ABHD2: variants seen among roughly 807,000 people sequenced by gnomAD.
ABHD2 encodes the protein abhydrolase domain containing 2, acylglycerol lipase.
Under a neutral mutation model 48.1 loss-of-function variants are expected in ABHD2, and 20 were observed. That is an observed-to-expected ratio of 0.42 (90% CI 0.29 to 0.60). The LOEUF is 0.60. Ranked by LOEUF, ABHD2 falls within the 20% of genes least tolerant of loss-of-function variation. The probability of loss-of-function intolerance (pLI) is 0.24; values close to 1 mark genes in which losing one functional copy is unlikely to be tolerated. For missense variants in ABHD2, 405 were observed against 550.9 expected, an observed-to-expected ratio of 0.74 and a Z score of 2.65; for synonymous variants, 209 against 214.2, an observed-to-expected ratio of 0.98 and a Z score of 0.21.
intron 3 of ABHD2, chr15:89,135,441 A>G: frequency 1.5e-6 from 1 of 667,766 alleles, no homozygotes; most frequent in South Asian, 1.8e-5. Context: ...TTAAAAACAA[A>G]TCTTACACAG....
At chr15:89,089,070 A>T (rs1901486330) in intron 1 of ABHD2, among the ~76,000 whole-genome samples, 1 of 152,224 alleles carries the variant, frequency 6.6e-6, no homozygotes, top group South Asian at 2.1e-4. Flanking sequence ...TTGGAAGCAC[A>T]TTTACCGAGT....
At chr15:89,099,554 A>G (rs762045667) in intron 1 of ABHD2, among the ~76,000 whole-genome samples, 2 of 152,074 alleles carry the variant, frequency 1.3e-5, no homozygotes, top group Non-Finnish European at 2.9e-5. Context: ...TCAGAGTTGC[A>G]GTGAGCTATG....
rs1314697096 is a variant in ABHD2 at position 89,175,132 on chromosome 15, C to A, written c.539-680C>A. ...CATCCACTTGCTACTTTTCTTAACACCATGAATCATCATACACATGGGTAT... is the reference window on the plus strand; with the variant it reads ...CATCCACTTGCTACTTTTCTTAACAACATGAATCATCATACACATGGGTAT... On this transcript the variant is annotated intron_variant, in intron 5 of 10. Transcript: ENST00000352732. The surrounding 1 kb of genome is among the most constrained non-coding windows in gnomAD (Gnocchi z 5.7). Among the ~76,000 whole-genome samples, 5 of 152,206 alleles carry A rather than the reference C, an allele frequency of 3.3e-5. No homozygotes were observed.
chr15:89,132,620 G>C (rs573932070), intron 3 of ABHD2, among the ~76,000 whole-genome samples: 251 of 152,282 alleles, frequency 1.6e-3, no homozygotes, highest in African/African-American at 5.9e-3. Flanking sequence ...ATTTCAAATT[G>C]ATATGAAATT....
intron 8 of ABHD2, among the ~76,000 whole-genome samples, chr15:89,190,676 T>C (rs759707455): frequency 4.6e-5 from 7 of 152,212 alleles, no homozygotes; most frequent in Non-Finnish European, 7.3e-5. Context: ...GTCATGATGC[T>C]AGTAAGCACT....
At chr15:89,057,771 GAAAA>G in the ABHD2 span, among the ~76,000 whole-genome samples, 5 of 137,554 alleles carry the variant, frequency 3.6e-5, no homozygotes, top group African/African-American at 8.0e-5. Context: ...AAGAAGGAAT[GAAAA>G]AAAAAAAAGA....
At chr15:89,148,503 T>C (rs2050535443) in intron 3 of ABHD2, among the ~76,000 whole-genome samples, 1 of 152,238 alleles carries the variant, frequency 6.6e-6, no homozygotes, top group Admixed American at 6.5e-5. Context: ...TTGGTGGGAA[T>C]GTAAATGAAC....
chr15:89,166,790 A>C lies in ABHD2; in HGVS notation c.539-9022A>C, dbSNP rs2050844264. Among the ~76,000 whole-genome samples, 1 of 152,222 alleles carries C rather than the reference A, an allele frequency of 6.6e-6. No individual in the cohort carries two copies. The highest frequency in any genetic ancestry group is 2.4e-5 in the African/African-American group (1 of 41,462). Reference sequence around the variant, plus strand: ...ACTGCACAGCCTGAGCTACAGAGTGAGACCCTATCTCTTAAAACAAACAAA... The same window carrying C: ...ACTGCACAGCCTGAGCTACAGAGTGCGACCCTATCTCTTAAAACAAACAAA... On this transcript the variant is annotated intron_variant, in intron 5 of 10. Transcript: ENST00000352732. The surrounding 1 kb of genome is among the most constrained non-coding windows in gnomAD (Gnocchi z 4.6).
intron 5 of ABHD2, among the ~76,000 whole-genome samples, chr15:89,171,629 T>C (rs10852117): frequency 0.11 from 17,103 of 152,194 alleles, 1,106 homozygotes; most frequent in South Asian, 0.19. Context: ...TTTGGAAAAC[T>C]GCTACCAGGC....
chr15:89,152,647 T>C (rs1439142355), intron 4 of ABHD2, among the ~76,000 whole-genome samples: 1 of 152,014 alleles, frequency 6.6e-6, no homozygotes, highest in Non-Finnish European at 1.5e-5. Context: ...TAGCAGTAGA[T>C]TAAAAGGCTC....
chr15:89,193,576 A>T, intron 10 of ABHD2: 1 of 503,520 alleles, frequency 2.0e-6, no homozygotes, highest in Non-Finnish European at 3.5e-6. Context: ...GGCTTTGGGG[A>T]GTCACTTGAG....
At chr15:89,071,347 G>C in the ABHD2 span, among the ~76,000 whole-genome samples, 9 of 152,298 alleles carry the variant, frequency 5.9e-5, no homozygotes, top group African/African-American at 1.9e-4. Context: ...CTTGAACCCG[G>C]GAGGTGGAGG....
At chr15:89,109,512 G>T (rs2049840887) in intron 1 of ABHD2, among the ~76,000 whole-genome samples, 1 of 151,928 alleles carries the variant, frequency 6.6e-6, no homozygotes, top group Non-Finnish European at 1.5e-5. Flanking sequence ...GACATACCCA[G>T]CCCTCCAGCT....
At position 89,155,040 on chromosome 15, in the gene ABHD2, T is replaced by G. The variant is rs1485809938; in HGVS notation, c.371-327T>G. ...TTCTATAGCAATGTGACAGAGTAAT[T>G]TTATATTTGTTGAATCTTATAGTAG... is the stretch of plus-strand genomic sequence containing the variant. On this transcript the variant is annotated intron_variant, in intron 4 of 10. Transcript: ENST00000352732. The surrounding 1 kb of genome is among the most constrained non-coding windows in gnomAD (Gnocchi z 4.9). Among the ~76,000 whole-genome samples the G allele has an allele frequency of 2.6e-5, 4 of 152,222 alleles. No homozygotes were observed. The highest frequency in any genetic ancestry group is 5.9e-5 in the Non-Finnish European group (4 of 68,036).
the ABHD2 span, among the ~76,000 whole-genome samples, chr15:89,066,773 G>T: frequency 1.3e-5 from 2 of 152,202 alleles, no homozygotes; most frequent in East Asian, 3.8e-4. Flanking sequence ...GGCAGGCCAA[G>T]AGAGCCACGG....
intron 3 of ABHD2, chr15:89,135,673 T>C: frequency 6.5e-7 from 1 of 1,541,330 alleles, no homozygotes. Context: ...CAGCAGGCTT[T>C]CCTTTAGCCC....
the ABHD2 span, among the ~76,000 whole-genome samples, chr15:89,043,922 C>CT: frequency 6.8e-6 from 1 of 147,370 alleles, no homozygotes; most frequent in African/African-American, 2.5e-5. Context: ...TATTATTATA[C>CT]TTTAAGTTTT....
At chr15:89,123,751 C>T (rs1016535437) in intron 3 of ABHD2, among the ~76,000 whole-genome samples, 5 of 151,982 alleles carry the variant, frequency 3.3e-5, no homozygotes, top group Non-Finnish European at 5.9e-5. Context: ...GTCCACACCA[C>T]CATGGCTGGC....
chr15:89,151,657 C>A lies in ABHD2; in HGVS notation c.195-20C>A. ...CTCAAGGAATGTAGAGAAAATTGAC[C>A]TCCCTTGTCCTTTCTTTAGATACAT... On this transcript the variant is annotated intron_variant, in intron 3 of 10. Coordinates refer to ENST00000352732, the MANE Select transcript of ABHD2 (RefSeq NM_152924.5). This position sits in a 1 kb window ranked among gnomAD's most constrained non-coding sequence, Gnocchi z 4.7. 2 of 1,579,010 alleles carry A rather than the reference C, an allele frequency of 1.3e-6. No individual in the cohort carries two copies. Among genetic ancestry groups the A allele is most frequent in the Non-Finnish European group, 8.6e-7 (1 of 1,160,062 alleles).
Sources: allele counts gnomAD v4.1 joint callset (sites outside exome capture counted in the v4.1 genomes callset), GRCh38; gene constraint gnomAD v4.1.1; non-coding constraint Gnocchi (gnomAD v3.1); transcripts MANE v1.5; gene names NCBI Gene and HGNC (gene_info 2026-07-23, HGNC 2026-07-21).